Variants in SRBD1 observed in about 807,000 individuals in gnomAD.
SRBD1 encodes the protein S1 RNA-binding domain-containing protein 1.
SRBD1 carries 88 observed loss-of-function variants against 115.3 expected under a neutral mutation model. The ratio of observed to expected loss-of-function variants is 0.76; its 90% CI spans 0.64 to 0.91. The LOEUF (loss-of-function observed/expected upper bound fraction) is 0.91. Among genes scored for constraint, SRBD1 ranks in the 40% least tolerant of loss-of-function variants. The pLI, the probability that SRBD1 is intolerant of heterozygous loss-of-function variation, is 0.00. For synonymous variants in SRBD1, 509 were observed against 407.7 expected (o/e 1.25, Z -2.99); for missense variants, 1,385 against 1,177.4 (o/e 1.18, Z -2.58).
chr2:45,502,638 A>G (rs1020121435), intron 14 of SRBD1, among the ~76,000 whole-genome samples: 3 of 150,480 alleles, frequency 2.0e-5, no homozygotes, highest in Non-Finnish European at 4.4e-5. Context: ...CAATGAGAAC[A>G]CTTGGACACG....
chr2:45,433,748 A>G (rs1386230209), intron 16 of SRBD1, among the ~76,000 whole-genome samples: 1 of 152,254 alleles, frequency 6.6e-6, no homozygotes, highest in Non-Finnish European at 1.5e-5. Flanking sequence ...TTAAAAACCT[A>G]TGTGTTCTAG....
intron 14 of SRBD1, among the ~76,000 whole-genome samples, chr2:45,509,516 A>C (rs1670899284): frequency 6.8e-6 from 1 of 147,094 alleles, no homozygotes; most frequent in Non-Finnish European, 1.5e-5. Context: ...GAATGGCGTG[A>C]ACCCAGGAGG....
chr2:45,570,427 C>T (rs557953173), intron 9 of SRBD1, among the ~76,000 whole-genome samples: 2 of 152,050 alleles, frequency 1.3e-5, no homozygotes, highest in Non-Finnish European at 2.9e-5. Flanking sequence ...CTTTATATAA[C>T]GTTAAAAGCC....
chr2:45,449,009 C>T (rs542560880), intron 16 of SRBD1, among the ~76,000 whole-genome samples: 5 of 152,202 alleles, frequency 3.3e-5, no homozygotes, highest in Non-Finnish European at 7.4e-5. Flanking sequence ...CAGCTTTTAA[C>T]TATTTGAACA....
intron 2 of SRBD1, among the ~76,000 whole-genome samples, chr2:45,604,171 ATAGTC>A (rs1268308241): frequency 2.0e-5 from 3 of 152,002 alleles, no homozygotes; most frequent in Non-Finnish European, 1.5e-5. Flanking sequence ...TTTGCCCGCT[ATAGTC>A]TATTCTCCAC....
intron 10 of SRBD1, among the ~76,000 whole-genome samples, chr2:45,559,898 T>C (rs75776373): frequency 0.05 from 7,614 of 152,016 alleles, 652 homozygotes; most frequent in African/African-American, 0.17. Context: ...CTGGGAAATA[T>C]GGCAAAACCC....
intron 14 of SRBD1, among the ~76,000 whole-genome samples, chr2:45,493,217 A>G (rs1158988971): frequency 6.6e-6 from 1 of 152,228 alleles, no homozygotes; most frequent in Non-Finnish European, 1.5e-5. Context: ...AGGTTAAATG[A>G]CTTGCACTAG....
At chr2:45,575,834 A>C (rs1673158168) in intron 7 of SRBD1, among the ~76,000 whole-genome samples, 1 of 151,910 alleles carries the variant, frequency 6.6e-6, no homozygotes, top group Non-Finnish European at 1.5e-5. Context: ...CTCCCAAGTA[A>C]CAGGGATTAC....
chr2:45,503,469 G>A (rs1357853858), intron 14 of SRBD1, among the ~76,000 whole-genome samples: 2 of 152,130 alleles, frequency 1.3e-5, no homozygotes, highest in African/African-American at 4.8e-5. Context: ...CCATGGTAAA[G>A]ATTATAGAGA....
chr2:45,544,084 T>C (rs1440983710), intron 14 of SRBD1, among the ~76,000 whole-genome samples: 1 of 151,910 alleles, frequency 6.6e-6, no homozygotes, highest in Non-Finnish European at 1.5e-5. Context: ...TATAAAAAAA[T>C]TAGCCAGGCA....
chr2:45,585,033 T>A (rs1362845129), intron 5 of SRBD1, among the ~76,000 whole-genome samples: 1 of 151,738 alleles, frequency 6.6e-6, no homozygotes, highest in Non-Finnish European at 1.5e-5. Context: ...TCCTGTAATC[T>A]CAGCTACTCG....
chr2:45,558,309 T>C (rs1404126788), intron 10 of SRBD1, among the ~76,000 whole-genome samples: 1 of 152,034 alleles, frequency 6.6e-6, no homozygotes, highest in Non-Finnish European at 1.5e-5. Context: ...TAAAAAGAAG[T>C]TTTCTTAATT....
At chr2:45,543,351 A>G (rs1558466619) in intron 14 of SRBD1, among the ~76,000 whole-genome samples, 1 of 152,180 alleles carries the variant, frequency 6.6e-6, no homozygotes, top group Non-Finnish European at 1.5e-5. Context: ...AGACAGATGA[A>G]TGGGTCAGGT....
chr2:45,531,658 AAAG>A (rs1436604048), intron 14 of SRBD1, among the ~76,000 whole-genome samples: 4 of 150,580 alleles, frequency 2.7e-5, no homozygotes, highest in Non-Finnish European at 1.5e-5. Flanking sequence ...TTTATGAAAC[AAAG>A]AAGTAACCAG....
At chr2:45,589,056 C>T (rs1313045469) in intron 4 of SRBD1, among the ~76,000 whole-genome samples, 1 of 152,134 alleles carries the variant, frequency 6.6e-6, no homozygotes, top group African/African-American at 2.4e-5. Context: ...GCTCTGTTTC[C>T]ACTAATAGCA....
chr2:45,490,616 C>A (rs567870675), intron 14 of SRBD1, among the ~76,000 whole-genome samples: 8 of 152,100 alleles, frequency 5.3e-5, no homozygotes, highest in Non-Finnish European at 1.0e-4. Flanking sequence ...TCCAAAGTTA[C>A]AACTATTTAA....
chr2:45,465,046 C>CACATAT (rs58921931), intron 16 of SRBD1, among the ~76,000 whole-genome samples: 1 of 141,516 alleles, frequency 7.1e-6, no homozygotes, highest in Admixed American at 7.0e-5. Context: ...CACACACACA[C>CACATAT]ACAGAGTCAT....
intron 10 of SRBD1, among the ~76,000 whole-genome samples, chr2:45,556,156 G>GAT (rs1264726313): frequency 6.6e-6 from 1 of 152,036 alleles, no homozygotes; most frequent in African/African-American, 2.4e-5. Flanking sequence ...TTTTAGGCAG[G>GAT]ATATACATCC....
intron 16 of SRBD1, among the ~76,000 whole-genome samples, chr2:45,473,737 C>T (rs1485436529): frequency 6.6e-6 from 1 of 152,084 alleles, no homozygotes; most frequent in African/African-American, 2.4e-5. Flanking sequence ...TTAGTCAGTT[C>T]CTCTTTATCA....
Sources: gnomAD v4.1 joint callset for allele counts (sites outside exome capture counted in the v4.1 genomes callset) on GRCh38, gnomAD v4.1.1 for gene constraint, MANE v1.5 for transcripts, NCBI Gene and HGNC (gene_info 2026-07-23, HGNC 2026-07-21) for gene names.